CTNNA3: variants seen among roughly 807,000 people sequenced by gnomAD.
CTNNA3 encodes the protein catenin alpha-3.
CTNNA3 carries 76 observed loss-of-function variants against 95.7 expected under a neutral mutation model. The observed-to-expected ratio is 0.79, with a 90% CI of 0.66 to 0.96. The LOEUF (loss-of-function observed/expected upper bound fraction) is 0.96. CTNNA3 is among the 40% of genes least tolerant of loss of function. CTNNA3 has a pLI of 0.00. For synonymous variants in CTNNA3, 431 were observed against 374.4 expected (o/e 1.15, Z -1.74); for missense variants, 1,191 against 1,089.8 (o/e 1.09, Z -1.31).
chr10:66,086,664 T>A (rs1050632601), intron 14 of CTNNA3, among the ~76,000 whole-genome samples: 1 of 151,998 alleles, frequency 6.6e-6, no homozygotes, highest in African/African-American at 2.4e-5. Flanking sequence ...TATTTTAACC[T>A]CAAAATTAGG....
intron 4 of CTNNA3, among the ~76,000 whole-genome samples, chr10:67,537,703 A>C (rs941787528): frequency 1.3e-5 from 2 of 152,184 alleles, no homozygotes; most frequent in Non-Finnish European, 2.9e-5. Context: ...TTTAGAGTCT[A>C]AAATAGGAAT....
intron 15 of CTNNA3, among the ~76,000 whole-genome samples, chr10:66,000,280 C>T (rs925670121): frequency 4.6e-5 from 7 of 151,338 alleles, no homozygotes; most frequent in African/African-American, 1.7e-4. Flanking sequence ...CTATCCCTGA[C>T]CTCATCTCAT....
rs536070806 is a variant in CTNNA3, at chr10:65,920,301, A to T, written c.*29T>A. 9.5e-6 allele frequency: 15 copies of T among 1,579,050 alleles called. No individual in the cohort carries two copies. Among genetic ancestry groups the T allele is most frequent in the Non-Finnish European group, 1.3e-5 (15 of 1,156,788 alleles). On this transcript the variant is annotated 3_prime_UTR_variant, in exon 18 of 18. Transcript: ENST00000433211. ...CAGTGTGGTTAGGCAGGATTTTGTC[A>T]TATAGGCACTATATGTAGAATAGTG...
chr10:67,706,233 T>C (rs915048444), intron 1 of CTNNA3, among the ~76,000 whole-genome samples: 2 of 151,756 alleles, frequency 1.3e-5, no homozygotes, highest in Admixed American at 6.6e-5. Flanking sequence ...GTCTGTCATC[T>C]CTCAAAACAG....
chr10:66,295,219 C>T (rs891940630), intron 12 of CTNNA3, among the ~76,000 whole-genome samples: 2 of 152,124 alleles, frequency 1.3e-5, no homozygotes, highest in African/African-American at 2.4e-5. Flanking sequence ...AGAGACTTAA[C>T]CTAAGACTTG....
chr10:65,921,291 A>G (rs975526573), intron 17 of CTNNA3, among the ~76,000 whole-genome samples: 1 of 152,230 alleles, frequency 6.6e-6, no homozygotes, highest in Non-Finnish European at 1.5e-5. Context: ...AGTAGTTTGT[A>G]TAGAATACCT....
At chr10:66,316,717 C>A (rs1476625207) in intron 12 of CTNNA3, among the ~76,000 whole-genome samples, 1 of 151,992 alleles carries the variant, frequency 6.6e-6, no homozygotes, top group Non-Finnish European at 1.5e-5. Context: ...GATTTTCTCC[C>A]CCTATCATTG....
chr10:67,392,855 A>G (rs193225942), intron 5 of CTNNA3, among the ~76,000 whole-genome samples: 28 of 152,210 alleles, frequency 1.8e-4, no homozygotes, highest in African/African-American at 6.5e-4. Context: ...GAATTGAACA[A>G]TGAGAACACA....
intron 11 of CTNNA3, among the ~76,000 whole-genome samples, chr10:66,516,056 A>T (rs1843665): frequency 1.5e-5 from 2 of 132,846 alleles, no homozygotes; most frequent in Admixed American, 8.0e-5. Context: ...ACTATGATTA[A>T]TTATCTGGAA....
intron 7 of CTNNA3, among the ~76,000 whole-genome samples, chr10:66,867,430 T>C (rs1480513904): frequency 6.6e-6 from 1 of 151,190 alleles, no homozygotes; most frequent in Admixed American, 6.6e-5. Context: ...TGTCCTCACA[T>C]TTGCAAATGG....
chr10:66,403,809 C>G (rs1000023882), intron 11 of CTNNA3, among the ~76,000 whole-genome samples: 7 of 152,184 alleles, frequency 4.6e-5, no homozygotes, highest in African/African-American at 1.7e-4. Context: ...CTTCTGACCT[C>G]TAAGCTGTGC....
At chr10:66,576,693 T>C (rs932788161) in intron 10 of CTNNA3, among the ~76,000 whole-genome samples, 12 of 152,054 alleles carry the variant, frequency 7.9e-5, no homozygotes, top group African/African-American at 2.7e-4. Flanking sequence ...CAGTATTCCG[T>C]GGTCTATATG....
chr10:66,250,146 TAGAA>T (rs537096907), intron 13 of CTNNA3, among the ~76,000 whole-genome samples: 9 of 152,168 alleles, frequency 5.9e-5, no homozygotes, highest in Non-Finnish European at 1.2e-4. Flanking sequence ...GAGTCAGAAA[TAGAA>T]AGAAATGAGT....
At chr10:66,908,685 A>T (rs986555723) in intron 7 of CTNNA3, among the ~76,000 whole-genome samples, 28 of 152,022 alleles carry the variant, frequency 1.8e-4, no homozygotes, top group Admixed American at 8.5e-4. Flanking sequence ...TTTTTTTTTA[A>T]AAAAATTCAT....
At chr10:65,930,201 A>T (rs1285588563) in intron 17 of CTNNA3, among the ~76,000 whole-genome samples, 1 of 42,956 alleles carries the variant, frequency 2.3e-5, no homozygotes, top group Non-Finnish European at 4.7e-5. Context: ...GAGCTCAGTA[A>T]AAAAAAAAAA....
chr10:66,199,773 A>C, intron 13 of CTNNA3, among the ~76,000 whole-genome samples: 1 of 5,200 alleles, frequency 1.9e-4, no homozygotes, highest in Non-Finnish European at 4.2e-4. Context: ...GGCTATATAT[A>C]TATATATATA....
At chr10:67,230,845 G>C (rs1056980457) in intron 5 of CTNNA3, among the ~76,000 whole-genome samples, 2 of 152,204 alleles carry the variant, frequency 1.3e-5, no homozygotes, top group Non-Finnish European at 2.9e-5. Flanking sequence ...AGCAGGGTGA[G>C]GCATTGCCTC....
intron 10 of CTNNA3, among the ~76,000 whole-genome samples, chr10:66,539,551 T>C (rs1347573418): frequency 6.6e-6 from 1 of 152,116 alleles, no homozygotes; most frequent in African/African-American, 2.4e-5. Context: ...TGGCATTCCC[T>C]TGTTTATATG....
intron 12 of CTNNA3, among the ~76,000 whole-genome samples, chr10:66,324,120 G>C (rs962244882): frequency 3.3e-5 from 5 of 151,932 alleles, no homozygotes; most frequent in African/African-American, 9.7e-5. Context: ...AGGGGTTCCA[G>C]TCCAGCCTGG....
Sources: gnomAD v4.1 joint callset for allele counts (sites outside exome capture counted in the v4.1 genomes callset) on GRCh38, gnomAD v4.1.1 for gene constraint, MANE v1.5 for transcripts, NCBI Gene and HGNC (gene_info 2026-07-23, HGNC 2026-07-21) for gene names.